The following SYN3 variants were observed in gnomAD, a reference collection of about 807,000 sequenced individuals.
SYN3 encodes synapsin III, also known as synapsin-3.
Under a neutral mutation model 65.8 loss-of-function variants are expected in SYN3, and 35 were observed. That is an observed-to-expected ratio of 0.53 (90% CI 0.41 to 0.70). The LOEUF (loss-of-function observed/expected upper bound fraction) is 0.70, where lower values mean the gene tolerates loss of function less well. Ranked by LOEUF, SYN3 falls within the 30% of genes least tolerant of loss-of-function variation. The pLI, the probability that SYN3 is intolerant of heterozygous loss-of-function variation, is 0.00. For synonymous variants in SYN3, 270 were observed against 292.9 expected (o/e 0.92, Z 0.80); for missense variants, 680 against 749.0 (o/e 0.91, Z 1.08).
At chr22:32,809,163 T>C (rs531182064) in intron 6 of SYN3, among the ~76,000 whole-genome samples, 55 of 152,344 alleles carry the variant, frequency 3.6e-4, no homozygotes, top group South Asian at 6.2e-4. Context: ...TGATGAGCTG[T>C]CTCAGGCTAG....
intron 6 of SYN3, among the ~76,000 whole-genome samples, chr22:32,832,985 G>A (rs962124830): frequency 6.6e-5 from 10 of 152,158 alleles, no homozygotes; most frequent in Middle Eastern, 3.4e-3. Flanking sequence ...CACCTGCCTC[G>A]ACCTCCCGAA....
intron 6 of SYN3, among the ~76,000 whole-genome samples, chr22:32,795,290 T>A (rs1306470354): frequency 6.6e-6 from 1 of 152,228 alleles, no homozygotes; most frequent in Non-Finnish European, 1.5e-5. Context: ...TATGTCACTA[T>A]TGAAATTGTC....
chr22:32,873,927 G>A (rs1440723344), intron 4 of SYN3, among the ~76,000 whole-genome samples: 1 of 151,604 alleles, frequency 6.6e-6, no homozygotes, highest in Non-Finnish European at 1.5e-5. Context: ...AGGAGTTCAA[G>A]ACCAGCCTGG....
intron 1 of SYN3, among the ~76,000 whole-genome samples, chr22:33,056,560 T>C (rs939855359): frequency 2.0e-5 from 3 of 152,238 alleles, no homozygotes; most frequent in African/African-American, 7.2e-5. Context: ...CGTCTCTTTG[T>C]CTCATGGGAG....
intron 1 of SYN3, among the ~76,000 whole-genome samples, chr22:33,055,641 A>G (rs566498468): frequency 6.6e-6 from 1 of 152,350 alleles, no homozygotes; most frequent in Admixed American, 6.5e-5. Context: ...TAAAATAGAT[A>G]AATGACTGTT....
At chr22:32,651,114 A>C (rs1000974222) in intron 6 of SYN3, among the ~76,000 whole-genome samples, 3 of 152,164 alleles carry the variant, frequency 2.0e-5, no homozygotes, top group Non-Finnish European at 2.9e-5. Flanking sequence ...AGAGCACAGA[A>C]GGCCAAGAAG....
chr22:32,721,744 T>C (rs2061121975), intron 6 of SYN3, among the ~76,000 whole-genome samples: 1 of 152,126 alleles, frequency 6.6e-6, no homozygotes, highest in Non-Finnish European at 1.5e-5. Context: ...GGGCAGATGG[T>C]AAACAACTGA....
At chr22:32,548,740 A>G (rs2058369639) in intron 7 of SYN3, among the ~76,000 whole-genome samples, 1 of 152,374 alleles carries the variant, frequency 6.6e-6, no homozygotes, top group Admixed American at 6.5e-5. Flanking sequence ...GATATATAAC[A>G]TACAACATGA....
chr22:32,609,360 TATC>T (rs2059411673), intron 6 of SYN3, among the ~76,000 whole-genome samples: 4 of 152,004 alleles, frequency 2.6e-5, no homozygotes, highest in Admixed American at 2.6e-4. Context: ...AAAATAAAGT[TATC>T]ATTACATTGA....
chr22:32,792,790 CAA>C lies in SYN3; in HGVS notation c.711+72123_711+72124del, dbSNP rs1329317683. Among the ~76,000 whole-genome samples the C allele has an allele frequency of 1.1e-4, 16 of 152,118 alleles. 1 individual carries two copies. Among genetic ancestry groups the C allele is most frequent in the African/African-American group, 3.9e-4 (16 of 41,420 alleles). On this transcript the variant is annotated intron_variant, in intron 6 of 13. Coordinates refer to ENST00000358763, the MANE Select transcript of SYN3 (RefSeq NM_003490.4). ...GGCTGCATCAAGAGCTCTGAGCACT[CAA>C]CGAGAACCCAAGAGACAAAGAGAAA...
intron 7 of SYN3, among the ~76,000 whole-genome samples, chr22:32,585,720 A>G (rs1446633733): frequency 6.6e-6 from 1 of 152,088 alleles, no homozygotes; most frequent in Non-Finnish European, 1.5e-5. Context: ...TCAACAGGTG[A>G]ACATTGGGTT....
At chr22:32,523,113 C>G (rs2057914915) in intron 12 of SYN3, among the ~76,000 whole-genome samples, 1 of 152,204 alleles carries the variant, frequency 6.6e-6, no homozygotes, top group Non-Finnish European at 1.5e-5. Flanking sequence ...AAATTTCAAA[C>G]TTTTAAATTA....
rs373627613 is a variant in SYN3, at chr22:32,569,563, C to CTA, written c.774+27110_774+27111insTA. On this transcript the variant is annotated intron_variant, in intron 7 of 13. Transcript: ENST00000358763. ...TCTCTCTCTCTCTCTCTCTCTCTCTCTCTCTCTCTATATATATATATATAT... is the reference window on the plus strand; with the variant it reads ...TCTCTCTCTCTCTCTCTCTCTCTCTCTATCTCTCTCTATATATATATATATAT... 7.8e-3 allele frequency among the ~76,000 whole-genome samples: 411 copies of CTA among 52,844 alleles called. 2 individuals carry two copies. The highest frequency in any genetic ancestry group is 0.059 in the East Asian group (21 of 358). 34.7% of individuals were successfully genotyped at this position (52,844 alleles called of 152,430 possible). A position where few individuals can be genotyped will look rare whatever the true frequency, so the allele number is the denominator to read the frequency against.
intron 4 of SYN3, among the ~76,000 whole-genome samples, chr22:32,902,274 C>T (rs1374048935): frequency 6.6e-6 from 1 of 152,102 alleles, no homozygotes; most frequent in Non-Finnish European, 1.5e-5. Context: ...CCATGCAGTC[C>T]CCAAATTCCA....
rs145353360 is a variant in SYN3, at chr22:33,006,883, C to G, written c.-162-59G>C. 63 of 455,494 alleles carry G rather than the reference C, an allele frequency of 1.4e-4. No homozygotes were observed. In the East Asian group the frequency reaches 2.0e-3, roughly 15 times the overall value. The allele number at this position is 455,494 out of a possible 1,614,324, so 28.2% of individuals were successfully genotyped here. On this transcript the variant is annotated intron_variant, in intron 1 of 13. Coordinates refer to ENST00000358763, the MANE Select transcript of SYN3 (RefSeq NM_003490.4). ...CGACCTCCACCCCCTTAAGAGCAAA[C>G]AGATACAGCGCTTTCCTGCCCCACT...
chr22:32,967,109 A>C (rs1332420898), intron 3 of SYN3, among the ~76,000 whole-genome samples: 1 of 152,110 alleles, frequency 6.6e-6, no homozygotes, highest in Non-Finnish European at 1.5e-5. Flanking sequence ...ATCCATATGA[A>C]ATGCTTAGCG....
intron 6 of SYN3, among the ~76,000 whole-genome samples, chr22:32,780,382 C>T (rs1415991433): frequency 6.6e-6 from 1 of 152,134 alleles, no homozygotes. Context: ...GACAGAGCAG[C>T]ACCTGAGTTG....
rs567576019 is a variant in SYN3, at chr22:32,508,402, C to T, written c.*5290G>A. On this transcript the variant is annotated 3_prime_UTR_variant, in exon 14 of 14. Transcript: ENST00000358763. ...GCCCCATCCCTACTCCCTTTGCTGACTCTCTTTTCGGACTCATCCGGCCTG... is the reference window on the plus strand; with the variant it reads ...GCCCCATCCCTACTCCCTTTGCTGATTCTCTTTTCGGACTCATCCGGCCTG... 1.1e-3 allele frequency among the ~76,000 whole-genome samples: 169 copies of T among 152,270 alleles called. 7 individuals carry two copies. In the South Asian group the frequency reaches 0.031, roughly 28 times the overall value.
intron 4 of SYN3, among the ~76,000 whole-genome samples, chr22:32,871,147 T>C (rs1180838161): frequency 6.6e-6 from 1 of 152,252 alleles, no homozygotes; most frequent in African/African-American, 2.4e-5. Context: ...ATAAAAGGTC[T>C]CCTGCTGGCC....
Sources: gnomAD v4.1 joint callset for allele counts (sites outside exome capture counted in the v4.1 genomes callset) on GRCh38, gnomAD v4.1.1 for gene constraint, MANE v1.5 for transcripts, NCBI Gene and HGNC (gene_info 2026-07-23, HGNC 2026-07-21) for gene names.